The following CDH2 variants were observed in gnomAD, a reference collection of about 807,000 sequenced individuals.
The protein encoded by CDH2 is cadherin-2.
A neutral mutation model predicts 92.0 loss-of-function variants in CDH2; 17 were observed. The observed-to-expected ratio is 0.18, with a 90% CI of 0.13 to 0.28. CDH2 has a LOEUF of 0.28. Among genes scored for constraint, CDH2 ranks in the 10% least tolerant of loss-of-function variants. The pLI is 1.00. For missense variants in CDH2, 862 were observed against 1,133.1 expected (o/e 0.76, Z 3.44); for synonymous variants, 419 against 415.9 (o/e 1.01, Z -0.09).
At chr18:28,126,659 G>T (rs1160773834) in intron 2 of CDH2, among the ~76,000 whole-genome samples, 1 of 152,106 alleles carries the variant, frequency 6.6e-6, no homozygotes, top group Non-Finnish European at 1.5e-5. Flanking sequence ...GGGGTAAATT[G>T]CTCCAATTTT....
intron 2 of CDH2, among the ~76,000 whole-genome samples, chr18:28,016,339 T>G (rs2013245566): frequency 6.6e-6 from 1 of 152,190 alleles, no homozygotes; most frequent in African/African-American, 2.4e-5. Context: ...AAGTGCTCAT[T>G]AAATATCCAC....
chr18:28,130,068 C>T (rs2015740874), intron 2 of CDH2, among the ~76,000 whole-genome samples: 1 of 152,154 alleles, frequency 6.6e-6, no homozygotes, highest in African/African-American at 2.4e-5. Context: ...ATCACCATGC[C>T]TGTACCTCAC....
In CDH2 at chr18:27,985,819, T is replaced by G. The variant is rs551387262; in HGVS notation, c.1742-58A>C. 1.4e-5 allele frequency: 14 copies of G among 1,003,456 alleles called. No homozygotes were observed. In the East Asian group the frequency reaches 3.1e-4, roughly 22 times the overall value. The allele number at this position is 1,003,456 out of a possible 1,614,324, so 62.2% of individuals were successfully genotyped here. ...AACAGTTCTCTCCAATGAGCCTCAA[T>G]TATGGTGAAATTCTCAAAGCTTCTA... On this transcript the variant is annotated intron_variant, in intron 11 of 15. Coordinates refer to ENST00000269141, the MANE Select transcript of CDH2 (RefSeq NM_001792.5).
Position 28,009,705 on chromosome 18 carries a change from T to A in CDH2, c.702+12A>T. On this transcript the variant is annotated intron_variant, in intron 5 of 15. Coordinates refer to ENST00000269141, the MANE Select transcript of CDH2 (RefSeq NM_001792.5). ...GTTAATACACAGAATTATCAGCTGG[T>A]TGGAATCTTACATGAAACCGGGCTA... 1 of 1,612,762 alleles carries A rather than the reference T, an allele frequency of 6.2e-7. No individual in the cohort carries two copies. Among genetic ancestry groups the A allele is most frequent in the Non-Finnish European group, 8.5e-7 (1 of 1,179,248 alleles).
chr18:28,019,738 G>C (rs673008), intron 2 of CDH2, among the ~76,000 whole-genome samples: 1 of 152,010 alleles, frequency 6.6e-6, no homozygotes, highest in East Asian at 1.9e-4. Flanking sequence ...CTGTTATTAC[G>C]ATTTTCAGAG....
At chr18:27,989,417 G>A (rs1599014196) in intron 10 of CDH2, among the ~76,000 whole-genome samples, 1 of 152,276 alleles carries the variant, frequency 6.6e-6, no homozygotes, top group East Asian at 1.9e-4. Context: ...TCAGTGAATA[G>A]AGAAATGGAG....
At chr18:28,086,814 G>A (rs767503452) in intron 2 of CDH2, among the ~76,000 whole-genome samples, 2 of 152,050 alleles carry the variant, frequency 1.3e-5, no homozygotes, top group African/African-American at 2.4e-5. Context: ...GGTAATTTAC[G>A]TCTAATTAAC....
chr18:28,090,187 T>C (rs1362535014), intron 2 of CDH2, among the ~76,000 whole-genome samples: 2 of 152,196 alleles, frequency 1.3e-5, no homozygotes, highest in East Asian at 3.9e-4. Context: ...ATATTAGTAA[T>C]TGTTCTTTTT....
At chr18:27,942,369 A>G (rs1909159725) in intron 6 of CDH2, among the ~76,000 whole-genome samples, 1 of 152,246 alleles carries the variant, frequency 6.6e-6, no homozygotes, top group Non-Finnish European at 1.5e-5. Flanking sequence ...ATAGATAACA[A>G]TAGCTAACTT....
chr18:27,993,636 T>C lies in CDH2; in HGVS notation c.1022A>G (p.Lys341Arg), dbSNP rs1478351166. The C allele has an allele frequency of 6.2e-7, 1 of 1,606,684 alleles. No homozygotes were observed. The highest frequency in any genetic ancestry group is 1.3e-5 in the African/African-American group (1 of 74,646). ...ITVAAGLDRE[K>R]VQQYTLIIQA... is the part of the protein sequence containing the mutation. ...AATTATTAACGTATACTGTTGCACT[T>C]TCTAAAAAGACATAAAGATAAGAAC... The change falls in exon 8 of 16, where the codon AAA becomes AGA. Residue 341 changes from lysine (K) to arginine (R), a missense_variant and splice_region_variant. By Grantham distance (26) the Lys-to-Arg change is conservative. This residue lies in a region of CDH2 where 564 missense variants were observed against 722.2 expected (regional missense o/e 0.78). Transcript: ENST00000269141.
intron 15 of CDH2, among the ~76,000 whole-genome samples, chr18:27,954,031 T>C (rs1456563466): frequency 6.6e-6 from 1 of 152,182 alleles, no homozygotes; most frequent in Non-Finnish European, 1.5e-5. Context: ...CAGGTACCTC[T>C]TTACTAACAA....
intron 1 of CDH2, among the ~76,000 whole-genome samples, chr18:28,175,641 G>C (rs1039973372): frequency 6.6e-6 from 1 of 152,130 alleles, no homozygotes; most frequent in Admixed American, 6.5e-5. Context: ...CGGCGGGCCG[G>C]AGCGCGCCAG....
In CDH2 at chr18:28,072,871, A is replaced by T. The variant is rs367686719; in HGVS notation, c.173-58962T>A. On this transcript the variant is annotated intron_variant, in intron 2 of 15. Transcript: ENST00000269141. ...AAAATCTATCAATGTTCAAAAGTAT[A>T]TAAACCCTAGTTGGAGTCATGGGTT... is the stretch of plus-strand genomic sequence containing the variant. Among the ~76,000 whole-genome samples, 154 of 152,342 alleles carry T rather than the reference A, an allele frequency of 1.0e-3. No homozygotes were observed. In the Middle Eastern group the frequency reaches 0.02, roughly 20 times the overall value.
chr18:28,030,508 C>A (rs1396509883), intron 2 of CDH2, among the ~76,000 whole-genome samples: 1 of 151,850 alleles, frequency 6.6e-6, no homozygotes, highest in Non-Finnish European at 1.5e-5. Flanking sequence ...CAAACAACAA[C>A]AACAAAAGAA....
intron 2 of CDH2, among the ~76,000 whole-genome samples, chr18:28,043,935 A>C (rs2014017243): frequency 8.6e-6 from 1 of 116,650 alleles, no homozygotes. Context: ...GAGACAGAGT[A>C]CTTCTCTTGC....
chr18:28,095,767 G>GT (rs2015120939), intron 2 of CDH2, among the ~76,000 whole-genome samples: 1 of 132,746 alleles, frequency 7.5e-6, no homozygotes, highest in African/African-American at 2.9e-5. Context: ...CTGAGATCAT[G>GT]TGACTGTACT....
At chr18:28,030,680 T>C (rs1280591403) in intron 2 of CDH2, among the ~76,000 whole-genome samples, 1 of 152,018 alleles carries the variant, frequency 6.6e-6, no homozygotes, top group Non-Finnish European at 1.5e-5. Flanking sequence ...AGGATGCCAC[T>C]TGACTCCAAA....
chr18:28,110,544 C>T (rs539307982), intron 2 of CDH2, among the ~76,000 whole-genome samples: 12 of 152,222 alleles, frequency 7.9e-5, no homozygotes, highest in East Asian at 1.9e-4. Flanking sequence ...CCTGAAATAA[C>T]GACTCTGTTC....
chr18:28,099,018 T>C (rs1285622179), intron 2 of CDH2, among the ~76,000 whole-genome samples: 1 of 152,194 alleles, frequency 6.6e-6, no homozygotes, highest in Non-Finnish European at 1.5e-5. Flanking sequence ...AGTCTCTCCA[T>C]GGAGTAACTA....
Sources: gnomAD v4.1 joint callset for allele counts (sites outside exome capture counted in the v4.1 genomes callset) on GRCh38, gnomAD v4.1.1 for gene constraint, gnomAD v4.1.1 regional missense constraint, MANE v1.5 for transcripts, NCBI Gene and HGNC (gene_info 2026-07-23, HGNC 2026-07-21) for gene names.